The following GSAP variants were observed in gnomAD, a reference collection of about 807,000 sequenced individuals.
GSAP encodes gamma-secretase activating protein, also known as gamma-secretase-activating protein.
GSAP carries 118 observed loss-of-function variants against 131.7 expected under a neutral mutation model. That is an observed-to-expected ratio of 0.90 (90% CI 0.77 to 1.04). GSAP has a LOEUF of 1.04. Among genes scored for constraint, GSAP ranks in the 50% least tolerant of loss-of-function variants. GSAP has a pLI of 0.00. For synonymous variants in GSAP, 381 were observed against 363.4 expected, an observed-to-expected ratio of 1.05 and a Z score of -0.55; for missense variants, 1,019 against 1,013.2, an observed-to-expected ratio of 1.01 and a Z score of -0.08.
chr7:77,409,332 G>T (rs59770249), intron 1 of GSAP, among the ~76,000 whole-genome samples: 21,961 of 151,998 alleles, frequency 0.14, 2,212 homozygotes, highest in African/African-American at 0.28. Context: ...ATAATAATAA[G>T]CTTATGGCTA....
chr7:77,404,075 A>C (rs1801838202), intron 3 of GSAP, among the ~76,000 whole-genome samples: 1 of 152,256 alleles, frequency 6.6e-6, no homozygotes, highest in African/African-American at 2.4e-5. Flanking sequence ...TTATTCTGTC[A>C]TACTCAATCG....
intron 5 of GSAP, among the ~76,000 whole-genome samples, chr7:77,393,269 A>G (rs1799860498): frequency 6.6e-6 from 1 of 152,182 alleles, no homozygotes; most frequent in Non-Finnish European, 1.5e-5. Context: ...TTTCCAAAAT[A>G]TTCGTTCAAA....
chr7:77,403,897 A>G (rs925759422), intron 3 of GSAP, among the ~76,000 whole-genome samples: 1 of 152,256 alleles, frequency 6.6e-6, no homozygotes, highest in African/African-American at 2.4e-5. Flanking sequence ...AATTTTTTAG[A>G]AAATAAAGTT....
chr7:77,402,066 G>T (rs2151161678), intron 3 of GSAP, among the ~76,000 whole-genome samples: 1 of 152,202 alleles, frequency 6.6e-6, no homozygotes, highest in East Asian at 1.9e-4. Context: ...AGAGTACACA[G>T]GACATTACTC....
At chr7:77,330,170 TA>T in intron 20 of GSAP, 68 bp downstream of exon 20, 1 of 1,506,286 alleles carries the variant, frequency 6.6e-7, no homozygotes, top group Non-Finnish European at 8.9e-7. Context: ...CCTTATGATT[TA>T]AAGGCATCAC....
At chr7:77,371,600 A>T (rs1796136165) in intron 12 of GSAP, among the ~76,000 whole-genome samples, 2 of 151,858 alleles carry the variant, frequency 1.3e-5, no homozygotes, top group Non-Finnish European at 2.9e-5. Context: ...ACACCCAGCT[A>T]ATTTTTTTGT....
intron 12 of GSAP, among the ~76,000 whole-genome samples, chr7:77,371,318 T>TCCAC (rs1447359901): frequency 6.6e-6 from 1 of 152,190 alleles, no homozygotes; most frequent in African/African-American, 2.4e-5. Flanking sequence ...TCTAGTTCCT[T>TCCAC]CCACCTGTAC....
At chr7:77,328,533 T>G in intron 22 of GSAP, 73 bp downstream of exon 22, 4 of 1,569,220 alleles carry the variant, frequency 2.5e-6, no homozygotes, top group Non-Finnish European at 3.4e-6. Flanking sequence ...CAACCCACAG[T>G]GGTAGGAAGA....
intron 18 of GSAP, among the ~76,000 whole-genome samples, chr7:77,351,943 A>G (rs1040126754): frequency 2.0e-5 from 3 of 152,186 alleles, no homozygotes; most frequent in Non-Finnish European, 2.9e-5. Flanking sequence ...GTCTATTCAC[A>G]TGTGTTCCAA....
At chr7:77,382,000 C>A (rs1285279806) in intron 7 of GSAP, among the ~76,000 whole-genome samples, 1 of 149,496 alleles carries the variant, frequency 6.7e-6, no homozygotes, top group African/African-American at 2.5e-5. Flanking sequence ...CTAGCAGTTT[C>A]ATCTTGTAAT....
chr7:77,329,478 G>T, intron 20 of GSAP, 87 bp from the exon 21 acceptor site: 1 of 577,762 alleles, frequency 1.7e-6, no homozygotes, highest in Non-Finnish European at 3.1e-6. Flanking sequence ...ATACAGTTAA[G>T]AGCATCAGAG....
At chr7:77,379,888 C>T (rs1797537932) in intron 8 of GSAP, 2 of 982,210 alleles carry the variant, frequency 2.0e-6, no homozygotes, top group Non-Finnish European at 2.4e-6. Flanking sequence ...TGATTTGAGG[C>T]TTTCAATAGC....
At chr7:77,379,060 A>T (rs1317793425) in intron 8 of GSAP, among the ~76,000 whole-genome samples, 2 of 152,166 alleles carry the variant, frequency 1.3e-5, no homozygotes, top group Non-Finnish European at 1.5e-5. Flanking sequence ...AGACAAGAGG[A>T]AAGTGATGCC....
chr7:77,402,411 A>ATATAT (rs374848303), intron 3 of GSAP, among the ~76,000 whole-genome samples: 1 of 136,176 alleles, frequency 7.3e-6, no homozygotes, highest in African/African-American at 2.8e-5. Flanking sequence ...AGAAAAAAAA[A>ATATAT]ATATATATAT....
At chr7:77,361,313 T>C (rs1212744614) in intron 13 of GSAP, among the ~76,000 whole-genome samples, 1 of 152,184 alleles carries the variant, frequency 6.6e-6, no homozygotes, top group East Asian at 1.9e-4. Flanking sequence ...CACTTTTAGG[T>C]AGGAAGGGAA....
chr7:77,394,310 C>A (rs1800028285), intron 5 of GSAP, among the ~76,000 whole-genome samples: 1 of 152,212 alleles, frequency 6.6e-6, no homozygotes, highest in South Asian at 2.1e-4. Flanking sequence ...ACTCATCTCA[C>A]TGACCTCCTC....
At chr7:77,335,224 AACC>A (rs1789804600) in intron 19 of GSAP, among the ~76,000 whole-genome samples, 1 of 152,182 alleles carries the variant, frequency 6.6e-6, no homozygotes, top group Non-Finnish European at 1.5e-5. Flanking sequence ...ACATGGTGAA[AACC>A]CGGCTCTATT....
In GSAP at chr7:77,333,579, G is replaced by A. The variant is rs540237534; in HGVS notation, c.1546-3212C>T. Among the ~76,000 whole-genome samples the A allele has an allele frequency of 2.0e-5, 3 of 152,164 alleles. No homozygotes were observed. In the East Asian group the frequency reaches 5.8e-4, roughly 29 times the overall value. On this transcript the variant is annotated intron_variant, in intron 19 of 30. Transcript: ENST00000257626. Reference sequence around the variant, plus strand: ...CAGTGAGCATGTTCAAGTAATCCCGGGCACCCCACCCTCAAACACTTTACT... The same window carrying A: ...CAGTGAGCATGTTCAAGTAATCCCGAGCACCCCACCCTCAAACACTTTACT...
chr7:77,311,233 G>T lies in GSAP; in HGVS notation c.*125C>A. The T allele has an allele frequency of 1.5e-6, 1 of 667,342 alleles. No individual in the cohort carries two copies. Among genetic ancestry groups the T allele is most frequent in the Non-Finnish European group, 2.6e-6 (1 of 377,474 alleles). The allele number at this position is 667,342 out of a possible 1,614,324, so 41.3% of individuals were successfully genotyped here. A position where few individuals can be genotyped will look rare whatever the true frequency, so the allele number is the denominator to read the frequency against. ...ACGTGTACCAACCTGAAACTCACAT[G>T]GCTAAACAATTATGGCTAAACTATT... On this transcript the variant is annotated 3_prime_UTR_variant, in exon 31 of 31. Coordinates refer to ENST00000257626, the MANE Select transcript of GSAP (RefSeq NM_017439.4).
Sources: allele counts gnomAD v4.1 joint callset (sites outside exome capture counted in the v4.1 genomes callset), GRCh38; gene constraint gnomAD v4.1.1; transcripts MANE v1.5; gene names NCBI Gene and HGNC (gene_info 2026-07-23, HGNC 2026-07-21).